Variants in ANKS1A observed in about 807,000 individuals in gnomAD.
The protein encoded by ANKS1A is ankyrin repeat and SAM domain-containing protein 1A.
ANKS1A carries 55 observed loss-of-function variants against 120.3 expected under a neutral mutation model. The observed-to-expected ratio is 0.46, with a 90% confidence interval of 0.37 to 0.57. The LOEUF is 0.57. Ranked by LOEUF, ANKS1A falls within the 20% of genes least tolerant of loss-of-function variation. The pLI, the probability that ANKS1A is intolerant of heterozygous loss-of-function variation, is 0.00. For missense variants in ANKS1A, 1,123 were observed against 1,480.3 expected, an observed-to-expected ratio of 0.76 and a Z score of 3.96; for synonymous variants, 590 against 604.7, an observed-to-expected ratio of 0.98 and a Z score of 0.36.
chr6:35,087,050 G>A lies in ANKS1A; in HGVS notation c.3401+1G>A. On this transcript the variant is annotated splice_donor_variant, in intron 23 of 23. Coordinates refer to ENST00000360359, the MANE Select transcript of ANKS1A (RefSeq NM_015245.3). LOFTEE classifies it high-confidence loss of function. ...ACTCTAAGCGGAGCCTCAGCACCAA[G>A]TATGAGACCACTATCTTCTAAAACA... The A allele has an allele frequency of 6.2e-7, 1 of 1,613,964 alleles. No individual in the cohort carries two copies. The highest frequency in any genetic ancestry group is 8.5e-7 in the Non-Finnish European group (1 of 1,179,866).
At chr6:34,968,424 G>C (rs1435613132) in intron 2 of ANKS1A, among the ~76,000 whole-genome samples, 1 of 152,074 alleles carries the variant, frequency 6.6e-6, no homozygotes. Flanking sequence ...AGTAGCAGCA[G>C]TGTCGTTTTT....
At chr6:35,003,598 T>C (rs1340634635) in intron 10 of ANKS1A, among the ~76,000 whole-genome samples, 1 of 152,206 alleles carries the variant, frequency 6.6e-6, no homozygotes, top group Non-Finnish European at 1.5e-5. Context: ...AAAACTCTTA[T>C]AATAAGAGTT....
chr6:35,074,427 C>G (rs1047784197), intron 13 of ANKS1A, among the ~76,000 whole-genome samples: 1 of 151,780 alleles, frequency 6.6e-6, no homozygotes, highest in East Asian at 1.9e-4. Context: ...TAGTGAGACC[C>G]CATCTCTACA....
intron 11 of ANKS1A, among the ~76,000 whole-genome samples, chr6:35,042,879 A>G (rs1775537796): frequency 6.6e-6 from 1 of 152,162 alleles, no homozygotes; most frequent in South Asian, 2.1e-4. Flanking sequence ...CTCCATGGTT[A>G]TATTTGGGGG....
chr6:35,050,631 G>C lies in ANKS1A; in HGVS notation c.2011-3468G>C, dbSNP rs1775922237. On this transcript the variant is annotated intron_variant, in intron 11 of 23. Transcript: ENST00000360359. The surrounding 1 kb of genome is among the most constrained non-coding windows in gnomAD (Gnocchi z 4.3). ...GAAATGATCTTATTTCCTCTCTGCTGGTTCTGGGCATGAGGGTGAGTCTGA... is the reference window on the plus strand; with the variant it reads ...GAAATGATCTTATTTCCTCTCTGCTCGTTCTGGGCATGAGGGTGAGTCTGA... Among the ~76,000 whole-genome samples, 2 of 151,516 alleles carry C rather than the reference G, an allele frequency of 1.3e-5. No individual in the cohort carries two copies. The highest frequency in any genetic ancestry group is 4.9e-5 in the African/African-American group (2 of 41,166).
intron 9 of ANKS1A, among the ~76,000 whole-genome samples, chr6:34,992,282 T>C (rs577821954): frequency 6.6e-6 from 1 of 152,318 alleles, no homozygotes; most frequent in African/African-American, 2.4e-5. Flanking sequence ...CTGTGATGGT[T>C]AGGATCCCTT....
intron 1 of ANKS1A, among the ~76,000 whole-genome samples, chr6:34,958,193 C>T (rs976934197): frequency 5.9e-5 from 9 of 152,164 alleles, no homozygotes; most frequent in Admixed American, 1.3e-4. Context: ...CCCTTCTCTT[C>T]TCCCCTACCT....
chr6:35,014,475 T>C (rs1297953929), intron 10 of ANKS1A, among the ~76,000 whole-genome samples: 2 of 152,214 alleles, frequency 1.3e-5, no homozygotes, highest in African/African-American at 4.8e-5. Context: ...CCCCTTGGCA[T>C]GTGTCTGGTA....
intron 1 of ANKS1A, among the ~76,000 whole-genome samples, chr6:34,907,347 T>G (rs562595958): frequency 1.1e-4 from 16 of 152,314 alleles, no homozygotes; most frequent in South Asian, 6.2e-4. Context: ...TTGATCAATG[T>G]ACAGTCATCC....
chr6:35,044,007 T>C lies in ANKS1A; in HGVS notation c.2011-10092T>C, dbSNP rs1021034592. ...GAGTCTCTTCGAAGTACTTACTTGG[T>C]TGTCACAGAAAGGTTCTTTTACACT... On this transcript the variant is annotated intron_variant, in intron 11 of 23. Transcript: ENST00000360359. This position sits in a 1 kb window ranked among gnomAD's most constrained non-coding sequence, Gnocchi z 4.4. 3.3e-5 allele frequency among the ~76,000 whole-genome samples: 5 copies of C among 152,248 alleles called. No homozygotes were observed. Among genetic ancestry groups the C allele is most frequent in the Non-Finnish European group, 7.3e-5 (5 of 68,040 alleles).
intron 10 of ANKS1A, among the ~76,000 whole-genome samples, chr6:35,014,592 T>TC (rs1425952359): frequency 4.6e-5 from 7 of 152,182 alleles, no homozygotes; most frequent in African/African-American, 1.4e-4. Flanking sequence ...GTTAGAACAT[T>TC]CTCTGTGGCC....
chr6:34,937,124 G>A (rs377236842), intron 1 of ANKS1A, among the ~76,000 whole-genome samples: 2 of 152,230 alleles, frequency 1.3e-5, no homozygotes, highest in East Asian at 1.9e-4. Flanking sequence ...CATTTTGGAT[G>A]TGTAGTGCTG....
At chr6:35,018,105 C>T in intron 11 of ANKS1A, 46 bp downstream of exon 11, 1 of 1,572,658 alleles carries the variant, frequency 6.4e-7, no homozygotes, top group Non-Finnish European at 8.7e-7. Flanking sequence ...GCCAGGCTGG[C>T]CGCAGCCCAC....
At chr6:34,903,350 T>C (rs1767461206) in intron 1 of ANKS1A, among the ~76,000 whole-genome samples, 1 of 152,022 alleles carries the variant, frequency 6.6e-6, no homozygotes, top group South Asian at 2.1e-4. Flanking sequence ...AGAAAAACTT[T>C]TTTTTTTTTT....
chr6:34,983,497 G>T (rs1455242089), intron 7 of ANKS1A, 72 bp downstream of exon 7: 1 of 1,243,762 alleles, frequency 8.0e-7, no homozygotes, highest in Non-Finnish European at 1.1e-6. Context: ...GGGCAGAATG[G>T]AAAAATCTTA....
At chr6:35,095,606 G>A (rs1222647242), downstream of ANKS1A, among the ~76,000 whole-genome samples, 4 of 95,946 alleles carry the variant, frequency 4.2e-5, no homozygotes, top group African/African-American at 4.4e-5. Flanking sequence ...GAAAGAAAGA[G>A]AGAAACAACA....
intron 11 of ANKS1A, among the ~76,000 whole-genome samples, chr6:35,048,635 T>C (rs1225684520): frequency 6.6e-6 from 1 of 152,154 alleles, no homozygotes; most frequent in Non-Finnish European, 1.5e-5. Flanking sequence ...TGACCCTTTT[T>C]CAGATGTGGA....
rs147277699 is a variant in ANKS1A at position 35,012,680 on chromosome 6, G to A, written c.1424-4793G>A. Among the ~76,000 whole-genome samples, 12 of 152,328 alleles carry A rather than the reference G, an allele frequency of 7.9e-5. No homozygotes were observed. The East Asian group carries it at 1.9e-3, about 24-fold the overall frequency. Reference sequence around the variant, plus strand: ...AGCCCTTGAGATCCCATAGCTCATCGTAGTAATTAAAATGCAGCACAGAAG... The same window carrying A: ...AGCCCTTGAGATCCCATAGCTCATCATAGTAATTAAAATGCAGCACAGAAG... On this transcript the variant is annotated intron_variant, in intron 10 of 23. Coordinates refer to ENST00000360359, the MANE Select transcript of ANKS1A (RefSeq NM_015245.3).
intron 1 of ANKS1A, among the ~76,000 whole-genome samples, chr6:34,938,394 G>A (rs544879354): frequency 2.0e-5 from 3 of 152,302 alleles, no homozygotes; most frequent in African/African-American, 7.2e-5. Context: ...AAAAGGCTGT[G>A]TCATTGCCCC....
Sources: gnomAD v4.1 joint callset for allele counts (sites outside exome capture counted in the v4.1 genomes callset) on GRCh38, gnomAD v4.1.1 for gene constraint, Gnocchi (gnomAD v3.1) non-coding constraint, MANE v1.5 for transcripts, NCBI Gene and HGNC (gene_info 2026-07-23, HGNC 2026-07-21) for gene names.